DLGAP2: variants seen among roughly 807,000 people sequenced by gnomAD.
The protein encoded by DLGAP2 is disks large-associated protein 2.
DLGAP2 carries 26 observed loss-of-function variants against 100.3 expected under a neutral mutation model. That is an observed-to-expected ratio of 0.26 (90% CI 0.19 to 0.36). The LOEUF (loss-of-function observed/expected upper bound fraction) is 0.36, where lower values mean the gene tolerates loss of function less well. Ranked by LOEUF, DLGAP2 falls within the 10% of genes least tolerant of loss-of-function variation. The pLI, the probability that DLGAP2 is intolerant of heterozygous loss-of-function variation, is 1.00. For missense variants in DLGAP2, 1,858 were observed against 1,453.2 expected (o/e 1.28, Z -4.53); for synonymous variants, 886 against 630.1 (o/e 1.41, Z -6.08).
chr8:1,522,421 G>T (rs1480457591), intron 4 of DLGAP2, among the ~76,000 whole-genome samples: 2 of 152,190 alleles, frequency 1.3e-5, no homozygotes, highest in African/African-American at 4.8e-5. Flanking sequence ...GGGGCCTGGG[G>T]GACCTCCTTT....
At chr8:1,110,199 C>T (rs1804905354) in intron 2 of DLGAP2, among the ~76,000 whole-genome samples, 1 of 120,760 alleles carries the variant, frequency 8.3e-6, no homozygotes, top group African/African-American at 3.7e-5. Flanking sequence ...GTGACATGTG[C>T]TGGATCTGTG....
intron 3 of DLGAP2, among the ~76,000 whole-genome samples, chr8:1,270,925 C>T (rs1013570971): frequency 4.6e-5 from 7 of 152,124 alleles, no homozygotes; most frequent in South Asian, 2.1e-4. Flanking sequence ...CTGTATACAC[C>T]GTTGACCTGC....
At chr8:779,570 C>G (rs1821631538) in intron 1 of DLGAP2, among the ~76,000 whole-genome samples, 3 of 150,948 alleles carry the variant, frequency 2.0e-5, no homozygotes, top group Admixed American at 6.6e-5. Flanking sequence ...CTCAAGTGAT[C>G]TTCCCACCTC....
chr8:763,295 C>T (rs560536351), intron 1 of DLGAP2, among the ~76,000 whole-genome samples: 19 of 152,310 alleles, frequency 1.2e-4, no homozygotes, highest in Admixed American at 6.5e-4. Flanking sequence ...TTGTTAAGGA[C>T]GCACATCGTA....
intron 2 of DLGAP2, among the ~76,000 whole-genome samples, chr8:1,180,503 C>T (rs901114047): frequency 1.3e-5 from 2 of 152,258 alleles, no homozygotes; most frequent in Non-Finnish European, 2.9e-5. Context: ...TCTTAGTCTT[C>T]TGTGTTGCAT....
At chr8:1,540,111 G>C (rs184804907) in intron 4 of DLGAP2, among the ~76,000 whole-genome samples, 17 of 152,274 alleles carry the variant, frequency 1.1e-4, no homozygotes, top group Admixed American at 3.3e-4. Context: ...AGCTGTGGAC[G>C]CACCGTGCCT....
chr8:1,076,963 G>C (rs1383535762), intron 2 of DLGAP2, among the ~76,000 whole-genome samples: 1 of 146,620 alleles, frequency 6.8e-6, no homozygotes, highest in African/African-American at 2.5e-5. Flanking sequence ...AGACCAAGAG[G>C]GGGAGGAGGA....
intron 1 of DLGAP2, among the ~76,000 whole-genome samples, chr8:743,831 T>C (rs2132559978): frequency 6.6e-6 from 1 of 152,384 alleles, no homozygotes; most frequent in African/African-American, 2.4e-5. Context: ...TCCCAAAATG[T>C]TGCGATTGTG....
intron 6 of DLGAP2, among the ~76,000 whole-genome samples, chr8:1,591,897 G>T (rs1425162142): frequency 6.6e-6 from 1 of 152,204 alleles, no homozygotes; most frequent in African/African-American, 2.4e-5. Flanking sequence ...CGGACTCCCA[G>T]GGAGGTTCCT....
intron 2 of DLGAP2, among the ~76,000 whole-genome samples, chr8:1,120,674 G>T (rs1377246756): frequency 1.3e-5 from 2 of 150,492 alleles, no homozygotes; most frequent in Non-Finnish European, 3.0e-5. Context: ...TCCTTTGGAT[G>T]CCATGATGCC....
At chr8:834,583 C>G (rs536670798) in intron 1 of DLGAP2, among the ~76,000 whole-genome samples, 2 of 152,176 alleles carry the variant, frequency 1.3e-5, no homozygotes, top group African/African-American at 4.8e-5. Flanking sequence ...TTAGATCTTT[C>G]TACCTTTAAA....
At chr8:863,665 C>G (rs1797435732) in intron 1 of DLGAP2, among the ~76,000 whole-genome samples, 1 of 152,164 alleles carries the variant, frequency 6.6e-6, no homozygotes, top group Admixed American at 6.5e-5. Flanking sequence ...CAAATCAAAA[C>G]CACAACGAGC....
At chr8:981,522 C>T (rs989507477) in intron 2 of DLGAP2, among the ~76,000 whole-genome samples, 8 of 152,172 alleles carry the variant, frequency 5.3e-5, no homozygotes, top group South Asian at 4.2e-4. Flanking sequence ...ACAGCAGCTG[C>T]GCCGTTTTAC....
At position 1,239,950 on chromosome 8, in the gene DLGAP2, G is replaced by A. The variant is rs1328498505; in HGVS notation, c.74-18901G>A. 2.1e-3 allele frequency among the ~76,000 whole-genome samples: 285 copies of A among 133,696 alleles called. 1 individual carries two copies. The highest frequency in any genetic ancestry group is 7.2e-3 in the African/African-American group (256 of 35,492). 87.7% of individuals were successfully genotyped at this position (133,696 alleles called of 152,430 possible). A position where few individuals can be genotyped will look rare whatever the true frequency, so the allele number is the denominator to read the frequency against. On this transcript the variant is annotated intron_variant, in intron 2 of 14. Coordinates refer to ENST00000637795, the MANE Select transcript of DLGAP2 (RefSeq NM_001346810.2). The stretch of plus-strand genomic sequence containing the variant: ...GTGTCTAGTTCTCTCACATGTTGCC[G>A]TGTCTAGTTCTCTCTCACACATAGC...
At chr8:1,665,929 A>G (rs1440170590) in intron 8 of DLGAP2, among the ~76,000 whole-genome samples, 1 of 152,206 alleles carries the variant, frequency 6.6e-6, no homozygotes, top group African/African-American at 2.4e-5. Flanking sequence ...CTCTCTGACC[A>G]TGTGTCCATG....
At chr8:1,210,767 G>A (rs1341013417) in intron 2 of DLGAP2, among the ~76,000 whole-genome samples, 1 of 151,066 alleles carries the variant, frequency 6.6e-6, no homozygotes, top group African/African-American at 2.4e-5. Context: ...TGCAGGGCAC[G>A]TGGATCCTGG....
At chr8:1,044,482 G>A (rs535498606) in intron 2 of DLGAP2, among the ~76,000 whole-genome samples, 2 of 152,192 alleles carry the variant, frequency 1.3e-5, no homozygotes, top group East Asian at 1.9e-4. Flanking sequence ...TGGCTTAAAC[G>A]CAGTCCTAGC....
chr8:944,870 G>T (rs921192626), intron 2 of DLGAP2, among the ~76,000 whole-genome samples: 1 of 151,974 alleles, frequency 6.6e-6, no homozygotes, highest in Non-Finnish European at 1.5e-5. Context: ...ACTTTGTGCA[G>T]GTGATCCAGT....
intron 2 of DLGAP2, among the ~76,000 whole-genome samples, chr8:922,702 C>G (rs192074399): frequency 6.6e-6 from 1 of 152,268 alleles, no homozygotes; most frequent in African/African-American, 2.4e-5. Flanking sequence ...ACAGAAGTGT[C>G]AGATAAAGAC....
Sources: allele counts gnomAD v4.1 joint callset (sites outside exome capture counted in the v4.1 genomes callset), GRCh38; gene constraint gnomAD v4.1.1; transcripts MANE v1.5; gene names NCBI Gene and HGNC (gene_info 2026-07-23, HGNC 2026-07-21).